CSNK1A1: variants seen among roughly 807,000 people sequenced by gnomAD.
CSNK1A1 encodes casein kinase I isoform alpha.
In CSNK1A1, 7 loss-of-function variants were observed where a neutral mutation model predicts 46.1. That is an observed-to-expected ratio of 0.15 (90% confidence interval 0.09 to 0.29). The LOEUF is 0.29. CSNK1A1 is among the 10% of genes least tolerant of loss of function. CSNK1A1 has a pLI of 1.00. For missense variants in CSNK1A1, 96 were observed against 417.1 expected, an observed-to-expected ratio of 0.23 and a Z score of 6.71; for synonymous variants, 137 against 141.5, an observed-to-expected ratio of 0.97 and a Z score of 0.23.
At position 149,494,028 on chromosome 5, in the gene CSNK1A1, T is replaced by C. The variant is rs1760591806; in HGVS notation, c.*2825A>G. The C allele has an allele frequency of 6.6e-6, 1 of 152,206 alleles. No homozygotes were observed. The highest frequency in any genetic ancestry group is 1.5e-5 in the Non-Finnish European group (1 of 68,028). The allele number at this position is 152,206 out of a possible 1,614,324, so 9.4% of individuals were successfully genotyped here. On this transcript the variant is annotated 3_prime_UTR_variant, in exon 10 of 10. Transcript: ENST00000377843. ...CCCTTCTTAGAATTCCCATGACTCATTCTAGTCAAAAGCTATAAGAACATA... is the reference window on the plus strand; with the variant it reads ...CCCTTCTTAGAATTCCCATGACTCACTCTAGTCAAAAGCTATAAGAACATA...
At chr5:149,511,463 A>G (rs1193489036) in intron 6 of CSNK1A1, among the ~76,000 whole-genome samples, 2 of 152,198 alleles carry the variant, frequency 1.3e-5, no homozygotes, top group Non-Finnish European at 2.9e-5. Context: ...ACATAAAAAC[A>G]TACATTTTCA....
intron 4 of CSNK1A1, among the ~76,000 whole-genome samples, chr5:149,515,439 T>C (rs1761370985): frequency 6.6e-6 from 1 of 152,212 alleles, no homozygotes; most frequent in African/African-American, 2.4e-5. Flanking sequence ...GAGGAAACCT[T>C]ATTTATCAAG....
At chr5:149,499,792 A>G (rs1760765729) in intron 9 of CSNK1A1, among the ~76,000 whole-genome samples, 1 of 152,122 alleles carries the variant, frequency 6.6e-6, no homozygotes, top group Non-Finnish European at 1.5e-5. Flanking sequence ...AAACTAGTTC[A>G]AAGGGATATT....
intron 2 of CSNK1A1, among the ~76,000 whole-genome samples, chr5:149,542,886 G>C (rs1320959881): frequency 4.0e-5 from 6 of 149,644 alleles, no homozygotes; most frequent in Non-Finnish European, 8.9e-5. Flanking sequence ...GTAGAGATGG[G>C]GTTTCACCAT....
At chr5:149,512,439 C>A (rs1471375289) in intron 5 of CSNK1A1, among the ~76,000 whole-genome samples, 1 of 152,050 alleles carries the variant, frequency 6.6e-6, no homozygotes, top group Non-Finnish European at 1.5e-5. Flanking sequence ...GTATGAGGTT[C>A]TTTAACCTGG....
At chr5:149,508,027 T>C (rs867220654) in intron 7 of CSNK1A1, among the ~76,000 whole-genome samples, 1 of 152,172 alleles carries the variant, frequency 6.6e-6, no homozygotes, top group Non-Finnish European at 1.5e-5. Flanking sequence ...ATACAAAATA[T>C]TAAAAGAGCA....
At chr5:149,510,056 G>A (rs1761168094) in intron 6 of CSNK1A1, 103 bp from the exon 7 acceptor site, 2 of 736,724 alleles carry the variant, frequency 2.7e-6, no homozygotes, top group East Asian at 6.3e-5. Context: ...TGAGATTCAA[G>A]AGAAATTTTA....
chr5:149,497,752 A>C (rs559013380), intron 9 of CSNK1A1: 1 of 985,372 alleles, frequency 1.0e-6, no homozygotes, highest in East Asian at 1.1e-4. Context: ...ACTATAGCTC[A>C]TTCTAGCCCA....
At chr5:149,508,981 G>A (rs1313292829) in intron 7 of CSNK1A1, among the ~76,000 whole-genome samples, 2 of 152,136 alleles carry the variant, frequency 1.3e-5, no homozygotes, top group Non-Finnish European at 2.9e-5. Flanking sequence ...AAGCTGGACT[G>A]CAGTGGTGCA....
rs1370891384 is a variant in CSNK1A1, at chr5:149,517,372, G to A, written c.456+2918C>T. 1.3e-5 allele frequency among the ~76,000 whole-genome samples: 2 copies of A among 152,114 alleles called. No individual in the cohort carries two copies. Among genetic ancestry groups the A allele is most frequent in the Non-Finnish European group, 2.9e-5 (2 of 68,014 alleles). On this transcript the variant is annotated intron_variant, in intron 4 of 9. Coordinates refer to ENST00000377843, the MANE Select transcript of CSNK1A1 (RefSeq NM_001892.6). The surrounding 1 kb of genome is among the most constrained non-coding windows in gnomAD (Gnocchi z 4.4). The stretch of plus-strand genomic sequence containing the variant: ...CTTAGGGAAGGGGAAGAGAGGTGAG[G>A]TAGAATATATTCATTATACAGCACT...
At chr5:149,542,640 GTATATATATATATATATA>G (rs1311690619) in intron 2 of CSNK1A1, among the ~76,000 whole-genome samples, 2 of 13,056 alleles carry the variant, frequency 1.5e-4, no homozygotes, top group African/African-American at 7.0e-4. Flanking sequence ...ATATATATAT[GTATATATATATATATATA>G]TATATATATA....
rs1408860051 is a variant in CSNK1A1, at chr5:149,550,794, A to C, written c.123+48T>G. ...GGGGGTGCACGGTGGTGGTGGGGGG[A>C]ATGAGTAAAAGCGCAGCGTTATCGT... is the stretch of plus-strand genomic sequence containing the variant. On this transcript the variant is annotated intron_variant, in intron 1 of 9. Coordinates refer to ENST00000377843, the MANE Select transcript of CSNK1A1 (RefSeq NM_001892.6). The surrounding 1 kb of genome is among the most constrained non-coding windows in gnomAD (Gnocchi z 4.3). The C allele has an allele frequency of 6.2e-7, 1 of 1,610,896 alleles. No homozygotes were observed. Among genetic ancestry groups the C allele is most frequent in the African/African-American group, 1.3e-5 (1 of 74,738 alleles).
chr5:149,520,281 T>G lies in CSNK1A1; in HGVS notation c.456+9A>C. Reference sequence around the variant, plus strand: ...CTTTGTTCTTTCATGCAAAGAGCATTTGACTAACCTTATTACAGTGACGCC... The same window carrying G: ...CTTTGTTCTTTCATGCAAAGAGCATGTGACTAACCTTATTACAGTGACGCC... On this transcript the variant is annotated intron_variant, in intron 4 of 9. Transcript: ENST00000377843. 1 of 1,535,550 alleles carries G rather than the reference T, an allele frequency of 6.5e-7. No individual in the cohort carries two copies.
At chr5:149,542,688 ATATATT>A (rs1762338036) in intron 2 of CSNK1A1, among the ~76,000 whole-genome samples, 9 of 20,190 alleles carry the variant, frequency 4.5e-4, no homozygotes, top group African/African-American at 1.5e-3. Flanking sequence ...ATATATATAT[ATATATT>A]TTTTTTTTTT....
intron 2 of CSNK1A1, among the ~76,000 whole-genome samples, chr5:149,541,431 G>A (rs1485707103): frequency 6.6e-6 from 1 of 152,016 alleles, no homozygotes; most frequent in Admixed American, 6.6e-5. Context: ...GGGATTACAG[G>A]TGTGGCATGA....
rs899298974 is a variant in CSNK1A1, at chr5:149,505,108, G to A, written c.1006+339C>T. 8.5e-5 allele frequency: 86 copies of A among 1,008,574 alleles called. 1 individual carries two copies. Among genetic ancestry groups the A allele is most frequent in the Non-Finnish European group, 9.3e-5 (79 of 845,334 alleles). 62.5% of individuals were successfully genotyped at this position (1,008,574 alleles called of 1,614,324 possible). A position where few individuals can be genotyped will look rare whatever the true frequency, so the allele number is the denominator to read the frequency against. ...TTAGGTCTAGGATTTTGGATTGATT[G>A]ATTATATTATATTCCCAACACCAAA... On this transcript the variant is annotated intron_variant, in intron 9 of 9. Coordinates refer to ENST00000377843, the MANE Select transcript of CSNK1A1 (RefSeq NM_001892.6).
chr5:149,503,102 C>T (rs1760923966), intron 9 of CSNK1A1: 1 of 985,274 alleles, frequency 1.0e-6, no homozygotes, highest in Non-Finnish European at 1.2e-6. Flanking sequence ...TATAGTGGAC[C>T]TTAAGAGACT....
chr5:149,515,472 G>A (rs560552271), intron 4 of CSNK1A1, among the ~76,000 whole-genome samples: 16 of 152,222 alleles, frequency 1.1e-4, no homozygotes, highest in South Asian at 2.1e-4. Flanking sequence ...ATGTAAACAC[G>A]ATCTTCTTAA....
At chr5:149,520,025 A>G (rs1210982119) in intron 4 of CSNK1A1, among the ~76,000 whole-genome samples, 2 of 152,258 alleles carry the variant, frequency 1.3e-5, no homozygotes, top group African/African-American at 4.8e-5. Flanking sequence ...TAAATAACTT[A>G]GACAACTACA....
Sources: gnomAD v4.1 joint callset for allele counts (sites outside exome capture counted in the v4.1 genomes callset) on GRCh38, gnomAD v4.1.1 for gene constraint, Gnocchi (gnomAD v3.1) non-coding constraint, MANE v1.5 for transcripts, NCBI Gene and HGNC (gene_info 2026-07-23, HGNC 2026-07-21) for gene names.